OSBPL10: variants seen among roughly 807,000 people sequenced by gnomAD.
OSBPL10 encodes oxysterol-binding protein-related protein 10.
Under a neutral mutation model 81.7 loss-of-function variants are expected in OSBPL10, and 49 were observed. That is an observed-to-expected ratio of 0.60 (90% confidence interval 0.48 to 0.76). The LOEUF is 0.76. Ranked by LOEUF, OSBPL10 falls within the 30% of genes least tolerant of loss-of-function variation. The pLI, the probability that OSBPL10 is intolerant of heterozygous loss-of-function variation, is 0.00. For synonymous variants in OSBPL10, 419 were observed against 383.6 expected, an observed-to-expected ratio of 1.09 and a Z score of -1.08; for missense variants, 923 against 987.8, an observed-to-expected ratio of 0.93 and a Z score of 0.88.
At chr3:31,862,416 T>C (rs150960777) in intron 3 of OSBPL10, among the ~76,000 whole-genome samples, 61 of 152,244 alleles carry the variant, frequency 4.0e-4, no homozygotes, top group African/African-American at 1.4e-3. Flanking sequence ...AGTGTTGAAA[T>C]AAAAGATGTC....
intron 1 of OSBPL10, among the ~76,000 whole-genome samples, chr3:31,955,480 G>A (rs564353917): frequency 2.5e-4 from 38 of 152,306 alleles, no homozygotes; most frequent in African/African-American, 9.1e-4. Context: ...TGGCACTGCA[G>A]CCACAGCTAC....
intron 4 of OSBPL10, among the ~76,000 whole-genome samples, chr3:31,760,771 T>C (rs1223783397): frequency 6.6e-6 from 1 of 152,188 alleles, no homozygotes; most frequent in Admixed American, 6.5e-5. Flanking sequence ...ATTTCTACAA[T>C]ACTATTTAAA....
At chr3:32,004,096 T>C (rs1699179190) in intron 2 of OSBPL10, among the ~76,000 whole-genome samples, 1 of 152,220 alleles carries the variant, frequency 6.6e-6, no homozygotes, top group Non-Finnish European at 1.5e-5. Flanking sequence ...TTTTAAATTA[T>C]TGAACTTACT....
chr3:31,915,009 A>G (rs1696710546), intron 1 of OSBPL10, among the ~76,000 whole-genome samples: 1 of 151,968 alleles, frequency 6.6e-6, no homozygotes, highest in African/African-American at 2.4e-5. Context: ...CTGTCGCCCA[A>G]GCTCCGTGCT....
intron 7 of OSBPL10, among the ~76,000 whole-genome samples, chr3:31,698,486 T>G (rs200634575): frequency 7.6e-5 from 7 of 92,274 alleles, no homozygotes; most frequent in Non-Finnish European, 1.2e-4. Flanking sequence ...AAAATACAAG[T>G]AAGGCCACAT....
chr3:32,052,969 T>TTAA, intron 1 of OSBPL10, among the ~76,000 whole-genome samples: 1 of 59,700 alleles, frequency 1.7e-5, no homozygotes, highest in East Asian at 1.1e-3. Flanking sequence ...TACAGAACAA[T>TTAA]CAAAAAAAAA....
At chr3:31,816,377 TGC>T (rs981102340) in intron 4 of OSBPL10, among the ~76,000 whole-genome samples, 7 of 152,200 alleles carry the variant, frequency 4.6e-5, no homozygotes, top group African/African-American at 1.4e-4. Context: ...ACAGTGTGTG[TGC>T]AAGAACCAAG....
chr3:31,785,636 G>GTT (rs200858175), intron 4 of OSBPL10, among the ~76,000 whole-genome samples: 16 of 151,568 alleles, frequency 1.1e-4, no homozygotes, highest in African/African-American at 3.9e-4. Flanking sequence ...TCTCTGAGCC[G>GTT]TTTTTTTTTC....
chr3:31,679,357 C>T (rs967019369), intron 8 of OSBPL10, among the ~76,000 whole-genome samples: 2 of 152,210 alleles, frequency 1.3e-5, no homozygotes, highest in Non-Finnish European at 2.9e-5. Context: ...TTCTCTCCGA[C>T]CCTCCTGTTG....
At chr3:31,895,701 T>C (rs1696034634) in intron 1 of OSBPL10, among the ~76,000 whole-genome samples, 1 of 152,190 alleles carries the variant, frequency 6.6e-6, no homozygotes. Flanking sequence ...TTATAATGCT[T>C]ACTGCTCCCA....
intron 6 of OSBPL10, among the ~76,000 whole-genome samples, chr3:31,731,126 A>T (rs1696959517): frequency 6.6e-6 from 1 of 152,206 alleles, no homozygotes; most frequent in Non-Finnish European, 1.5e-5. Flanking sequence ...AAGACAAAAA[A>T]TGTGGCAAAG....
chr3:32,076,112 G>A (rs372205398), intron 1 of OSBPL10, among the ~76,000 whole-genome samples: 2 of 152,174 alleles, frequency 1.3e-5, no homozygotes, highest in African/African-American at 4.8e-5. Context: ...GCTCACGCCT[G>A]TAATCCCAGC....
chr3:31,790,648 G>T (rs1045226458), intron 4 of OSBPL10, among the ~76,000 whole-genome samples: 28 of 152,186 alleles, frequency 1.8e-4, no homozygotes, highest in African/African-American at 6.8e-4. Context: ...ATGGCGCCTT[G>T]AAGTTTCTCG....
intron 4 of OSBPL10, among the ~76,000 whole-genome samples, chr3:31,775,501 A>G (rs964573173): frequency 1.1e-4 from 11 of 96,262 alleles, no homozygotes; most frequent in South Asian, 4.4e-4. Flanking sequence ...AGGAGTTGAA[A>G]TTTTTAGTAA....
chr3:31,947,766 A>T (rs1697743930), intron 1 of OSBPL10, among the ~76,000 whole-genome samples: 1 of 152,206 alleles, frequency 6.6e-6, no homozygotes, highest in South Asian at 2.1e-4. Context: ...GTGTTAGGTC[A>T]TATTCCCTGG....
At chr3:31,998,210 G>C (rs752407447) in intron 2 of OSBPL10, among the ~76,000 whole-genome samples, 79 of 152,200 alleles carry the variant, frequency 5.2e-4, no homozygotes, top group Non-Finnish European at 9.0e-4. Context: ...TATGATGTGT[G>C]AGAGAGTATT....
At chr3:31,987,085 T>A (rs1163939287) in intron 2 of OSBPL10, among the ~76,000 whole-genome samples, 1 of 150,330 alleles carries the variant, frequency 6.7e-6, no homozygotes, top group Non-Finnish European at 1.5e-5. Flanking sequence ...TATACTTTTA[T>A]ATATGTATGT....
At chr3:31,761,202 G>A (rs148064325) in intron 4 of OSBPL10, among the ~76,000 whole-genome samples, 3 of 152,232 alleles carry the variant, frequency 2.0e-5, no homozygotes, top group East Asian at 1.9e-4. Context: ...CGCCAGGCGC[G>A]GTGGCTCACA....
chr3:31,680,068 G>T (rs1700598709), intron 8 of OSBPL10, among the ~76,000 whole-genome samples: 1 of 152,114 alleles, frequency 6.6e-6, no homozygotes, highest in South Asian at 2.1e-4. Flanking sequence ...CTGCACGGTG[G>T]TAGCTCCCTG....
Sources: allele counts gnomAD v4.1 joint callset (sites outside exome capture counted in the v4.1 genomes callset), GRCh38; gene constraint gnomAD v4.1.1; transcripts MANE v1.5; gene names NCBI Gene and HGNC (gene_info 2026-07-23, HGNC 2026-07-21).